RCC2: variants seen among roughly 807,000 people sequenced by gnomAD.
RCC2 encodes the protein regulator of chromosome condensation 2, also known as protein RCC2.
In RCC2, 19 loss-of-function variants were observed where a neutral mutation model predicts 64.1. The ratio of observed to expected loss-of-function variants is 0.30; its 90% CI spans 0.21 to 0.44. The LOEUF is 0.44. RCC2 is among the 20% of genes least tolerant of loss of function. The pLI is 1.00. For missense variants in RCC2, 508 were observed against 710.4 expected, an observed-to-expected ratio of 0.72 and a Z score of 3.24; for synonymous variants, 325 against 279.6, an observed-to-expected ratio of 1.16 and a Z score of -1.62.
intron 2 of RCC2, 124 bp from the exon 3 acceptor site, chr1:17,429,323 C>A: frequency 1.4e-6 from 1 of 736,656 alleles, no homozygotes; most frequent in South Asian, 1.6e-5. Flanking sequence ...CACCTGTGAC[C>A]TCCACACGAA....
intron 1 of RCC2, among the ~76,000 whole-genome samples, chr1:17,438,982 C>G (rs2100406221): frequency 6.6e-6 from 1 of 152,098 alleles, no homozygotes; most frequent in Middle Eastern, 3.4e-3. Flanking sequence ...GCTTTTGTCT[C>G]CGCAGTCTCC....
chr1:17,426,159 C>T (rs1006133587), intron 3 of RCC2, among the ~76,000 whole-genome samples: 1 of 152,172 alleles, frequency 6.6e-6, no homozygotes, highest in Admixed American at 6.5e-5. Flanking sequence ...CACTCCCTGC[C>T]GCCTGCCCCT....
intron 9 of RCC2, 96 bp from the exon 10 acceptor site, chr1:17,413,274 A>G (rs1557621465): frequency 4.1e-6 from 4 of 980,050 alleles, no homozygotes; most frequent in Non-Finnish European, 6.4e-6. Context: ...CGGGATGGCA[A>G]ACAAGTGTTC....
In RCC2 at chr1:17,408,545, C is replaced by T. The variant is rs777935337; in HGVS notation, c.*545G>A. 4 of 155,570 alleles carry T rather than the reference C, an allele frequency of 2.6e-5. No individual in the cohort carries two copies. Among genetic ancestry groups the T allele is most frequent in the Non-Finnish European group, 4.3e-5 (3 of 70,366 alleles). The allele number at this position is 155,570 out of a possible 1,614,324, so 9.6% of individuals were successfully genotyped here. A position where few individuals can be genotyped will look rare whatever the true frequency, so the allele number is the denominator to read the frequency against. On this transcript the variant is annotated 3_prime_UTR_variant, in exon 13 of 13. Coordinates refer to ENST00000375436, the MANE Select transcript of RCC2 (RefSeq NM_018715.4). ...GGGGAGAAACAGAACCGACACCGGCCTAGGCCCATCTGCAAGAAAAAGCGG... is the reference window on the plus strand; with the variant it reads ...GGGGAGAAACAGAACCGACACCGGCTTAGGCCCATCTGCAAGAAAAAGCGG...
Position 17,428,971 on chromosome 1 carries a change from G to A in RCC2, c.379+135C>T, listed in dbSNP as rs371119381. 9.5e-5 allele frequency: 67 copies of A among 703,994 alleles called. 1 individual carries two copies. The highest frequency in any genetic ancestry group is 8.4e-4 in the African/African-American group (48 of 57,028). 43.6% of individuals were successfully genotyped at this position (703,994 alleles called of 1,614,324 possible). A position where few individuals can be genotyped will look rare whatever the true frequency, so the allele number is the denominator to read the frequency against. Reference sequence around the variant, plus strand: ...AATCCAGCTCATCACTACAGTGGCTGTGTGGCCTCAGGCAAGTCACTTGGC... The same window carrying A: ...AATCCAGCTCATCACTACAGTGGCTATGTGGCCTCAGGCAAGTCACTTGGC... On this transcript the variant is annotated intron_variant, in intron 3 of 12. Transcript: ENST00000375436.
intron 3 of RCC2, among the ~76,000 whole-genome samples, chr1:17,426,121 AC>A (rs2075613536): frequency 6.6e-6 from 1 of 151,924 alleles, no homozygotes. Context: ...AACCCCGCTC[AC>A]CCTGACAGTA....
chr1:17,416,675 C>A, intron 7 of RCC2, 29 bp from the exon 8 acceptor site: 1 of 1,591,110 alleles, frequency 6.3e-7, no homozygotes. Context: ...CGGCCATCAG[C>A]AGCAGCACAA....
intron 11 of RCC2, among the ~76,000 whole-genome samples, chr1:17,410,382 G>T (rs1261531838): frequency 1.3e-5 from 2 of 152,254 alleles, no homozygotes; most frequent in Non-Finnish European, 2.9e-5. Flanking sequence ...AGGAAGAATG[G>T]CAACTGCGGC....
chr1:17,422,615 G>A, intron 5 of RCC2, 90 bp downstream of exon 5: 16 of 1,509,474 alleles, frequency 1.1e-5, no homozygotes, highest in Non-Finnish European at 1.4e-5. Flanking sequence ...GAGTCACAAG[G>A]GGAACTCCAC....
chr1:17,414,194 G>T (rs1233835311), intron 8 of RCC2, among the ~76,000 whole-genome samples: 1 of 152,108 alleles, frequency 6.6e-6, no homozygotes, highest in African/African-American at 2.4e-5. Context: ...AAGCAACAGG[G>T]CTATGTCTCC....
chr1:17,435,544 G>A (rs1316911731), intron 2 of RCC2, among the ~76,000 whole-genome samples: 3 of 152,256 alleles, frequency 2.0e-5, no homozygotes, highest in Non-Finnish European at 2.9e-5. Flanking sequence ...AGACTGGGCA[G>A]GAGGCCAACC....
At chr1:17,436,320 A>T (rs143738445) in intron 2 of RCC2, among the ~76,000 whole-genome samples, 1 of 152,172 alleles carries the variant, frequency 6.6e-6, no homozygotes, top group Admixed American at 6.5e-5. Flanking sequence ...CCTGGCCAAC[A>T]TGGTAAAACC....
intron 11 of RCC2, among the ~76,000 whole-genome samples, chr1:17,411,823 G>C (rs2075430058): frequency 6.6e-6 from 1 of 152,094 alleles, no homozygotes; most frequent in African/African-American, 2.4e-5. Flanking sequence ...GAACAAACAG[G>C]CCCTTTTCCT....
intron 1 of RCC2, among the ~76,000 whole-genome samples, 176 bp downstream of exon 1, chr1:17,439,369 C>G (rs762463644): frequency 1.4e-5 from 2 of 147,290 alleles, no homozygotes; most frequent in Non-Finnish European, 3.0e-5. Context: ...ACAATGGGAT[C>G]TCTGTCTGTC....
At chr1:17,425,441 A>ATAAGAC in intron 4 of RCC2, 100 bp downstream of exon 4, 1 of 1,260,336 alleles carries the variant, frequency 7.9e-7, no homozygotes, top group Non-Finnish European at 1.1e-6. Context: ...GCCCAGCCTT[A>ATAAGAC]TAAGACGCGA....
chr1:17,426,168 C>T (rs1570195675), intron 3 of RCC2, among the ~76,000 whole-genome samples: 1 of 152,194 alleles, frequency 6.6e-6, no homozygotes. Context: ...CCGCCTGCCC[C>T]TCCTTTCCCA....
chr1:17,433,047 T>G (rs1165054177), intron 2 of RCC2, among the ~76,000 whole-genome samples: 1 of 152,102 alleles, frequency 6.6e-6, no homozygotes, highest in Admixed American at 6.6e-5. Flanking sequence ...TATACATACG[T>G]GTGTATACAT....
rs1050119107 is a variant in RCC2, at chr1:17,424,341, A to G, written c.523+1200T>C. 2.6e-5 allele frequency among the ~76,000 whole-genome samples: 4 copies of G among 152,352 alleles called. No individual in the cohort carries two copies. In the South Asian group the frequency reaches 8.3e-4, roughly 32 times the overall value. On this transcript the variant is annotated intron_variant, in intron 4 of 12. Transcript: ENST00000375436. ...CAGGGTCAGAACTGAGGGCGCTTTC[A>G]GAGCCACCACGCAAGTGAAGCTCAG...
At position 17,439,651 on chromosome 1, in the gene RCC2, C is replaced by A. The variant is rs567995495; in HGVS notation, c.-115G>T. ...GCCCAGACGAGGGCTCCAGCCCACT[C>A]ACCAGATACACTTAAAATGTAAATA... is the stretch of plus-strand genomic sequence containing the variant. On this transcript the variant is annotated 5_prime_UTR_variant, in exon 1 of 13. Transcript: ENST00000375436. 2.7e-5 allele frequency: 4 copies of A among 149,724 alleles called. No homozygotes were observed. The South Asian group carries it at 8.3e-4, about 31-fold the overall frequency. 9.3% of individuals were successfully genotyped at this position (149,724 alleles called of 1,614,324 possible).
Sources: allele counts gnomAD v4.1 joint callset (sites outside exome capture counted in the v4.1 genomes callset), GRCh38; gene constraint gnomAD v4.1.1; transcripts MANE v1.5; gene names NCBI Gene and HGNC (gene_info 2026-07-23, HGNC 2026-07-21).